LRRFIP2: variants seen among roughly 807,000 people sequenced by gnomAD.
LRRFIP2 encodes leucine-rich repeat flightless-interacting protein 2.
Under a neutral mutation model 125.9 loss-of-function variants are expected in LRRFIP2, and 109 were observed. The ratio of observed to expected loss-of-function variants is 0.87; its 90% confidence interval spans 0.74 to 1.01. The LOEUF is 1.01. Ranked by LOEUF, LRRFIP2 falls within the 50% of genes least tolerant of loss-of-function variation. The probability of loss-of-function intolerance (pLI) is 0.00; values close to 1 mark genes in which losing one functional copy is unlikely to be tolerated. For missense variants in LRRFIP2, 850 were observed against 862.3 expected, an observed-to-expected ratio of 0.99 and a Z score of 0.18; for synonymous variants, 291 against 293.1, an observed-to-expected ratio of 0.99 and a Z score of 0.07.
At chr3:37,109,850 C>T (rs964780910) in intron 9 of LRRFIP2, 147 bp from the exon 10 acceptor site, 4 of 654,804 alleles carry the variant, frequency 6.1e-6, no homozygotes, top group East Asian at 2.7e-5. Context: ...TTAAGAAACA[C>T]AAGAAATAAG....
rs376462746 is a variant in LRRFIP2 at position 37,061,269 on chromosome 3, A to G, written c.1750-2359T>C. Among the ~76,000 whole-genome samples, 7 of 152,336 alleles carry G rather than the reference A, an allele frequency of 4.6e-5. No homozygotes were observed. In the East Asian group the frequency reaches 1.4e-3, roughly 29 times the overall value. ...CGAGGTGGGTGGATCACCTAAGGTC[A>G]GGAGTTCAAGACCAGCCTGGCCTGA... On this transcript the variant is annotated intron_variant, in intron 24 of 27. Coordinates refer to ENST00000336686, the MANE Select transcript of LRRFIP2 (RefSeq NM_006309.4).
Position 37,149,030 on chromosome 3 carries a change from T to C in LRRFIP2, c.-47A>G. On this transcript the variant is annotated 5_prime_UTR_variant, in exon 2 of 28. Coordinates refer to ENST00000336686, the MANE Select transcript of LRRFIP2 (RefSeq NM_006309.4). ...TAACTTTGAAAGTGATTTAACTGTG[T>C]TTTCAGCCCTGAAGTAAACAAAAAC... The C allele has an allele frequency of 1.2e-6, 2 of 1,609,430 alleles. No homozygotes were observed. The highest frequency in any genetic ancestry group is 1.7e-6 in the Non-Finnish European group (2 of 1,178,020).
intron 26 of LRRFIP2, 105 bp from the exon 27 acceptor site, chr3:37,054,620 C>CAA: frequency 5.1e-6 from 3 of 588,592 alleles, no homozygotes; most frequent in Non-Finnish European, 9.1e-6. Context: ...AAGTAATCTA[C>CAA]TAACAAGTCC....
intron 3 of LRRFIP2, among the ~76,000 whole-genome samples, chr3:37,128,285 T>C (rs755290587): frequency 2.6e-5 from 4 of 152,216 alleles, no homozygotes; most frequent in Non-Finnish European, 5.9e-5. Flanking sequence ...TACTGTCCCA[T>C]AGGCTTTTGC....
chr3:37,118,605 T>C (rs1254828861), intron 6 of LRRFIP2, among the ~76,000 whole-genome samples: 6 of 152,334 alleles, frequency 3.9e-5, no homozygotes, highest in African/African-American at 1.2e-4. Flanking sequence ...ATACATAATG[T>C]CTATAGCACT....
At chr3:37,168,257 C>A (rs934509224) in intron 1 of LRRFIP2, among the ~76,000 whole-genome samples, 2 of 152,062 alleles carry the variant, frequency 1.3e-5, no homozygotes, top group Non-Finnish European at 2.9e-5. Context: ...TGGCACTATT[C>A]CCAAAAGCAG....
At chr3:37,156,547 G>A (rs34091021) in intron 1 of LRRFIP2, among the ~76,000 whole-genome samples, 3 of 151,180 alleles carry the variant, frequency 2.0e-5, no homozygotes, top group East Asian at 3.9e-4. Context: ...GGTGGCAGGC[G>A]CCTGTAGTCC....
intron 1 of LRRFIP2, among the ~76,000 whole-genome samples, chr3:37,172,511 G>A (rs1315026778): frequency 6.6e-6 from 1 of 152,158 alleles, no homozygotes; most frequent in Non-Finnish European, 1.5e-5. Flanking sequence ...GTGGTGGAAA[G>A]CAGACTTTCT....
At chr3:37,075,993 G>C (rs1256608498) in intron 19 of LRRFIP2, among the ~76,000 whole-genome samples, 1 of 152,008 alleles carries the variant, frequency 6.6e-6, no homozygotes, top group East Asian at 1.9e-4. Context: ...ATATCCATTT[G>C]GAAAAAGATA....
chr3:37,091,228 G>GA lies in LRRFIP2; in HGVS notation c.1107+238dup, dbSNP rs113267946. The stretch of plus-strand genomic sequence containing the variant: ...CTGTCTGTACAAGAAAAATAAAAAA[G>GA]AAAAAAAAAAAACTGTAAATGATAT... On this transcript the variant is annotated intron_variant, in intron 18 of 27. Coordinates refer to ENST00000336686, the MANE Select transcript of LRRFIP2 (RefSeq NM_006309.4). Among the ~76,000 whole-genome samples the GA allele has an allele frequency of 4.2e-3, 605 of 145,234 alleles. 3 individuals are homozygous for GA. Among genetic ancestry groups the GA allele is most frequent in the East Asian group, 0.017 (81 of 4,652 alleles).
At chr3:37,055,220 G>A in intron 25 of LRRFIP2, 55 bp from the exon 26 acceptor site, 1 of 1,072,884 alleles carries the variant, frequency 9.3e-7, no homozygotes, top group Non-Finnish European at 1.4e-6. Context: ...GACAGTATGA[G>A]CCATCAGGCA....
chr3:37,105,390 C>G (rs1295242637), intron 14 of LRRFIP2, 65 bp downstream of exon 14: 3 of 1,294,684 alleles, frequency 2.3e-6, no homozygotes, highest in Non-Finnish European at 1.1e-6. Flanking sequence ...CAACAGACTT[C>G]ATGTGATCAT....
At chr3:37,121,199 C>T (rs2095023283) in intron 6 of LRRFIP2, among the ~76,000 whole-genome samples, 1 of 152,158 alleles carries the variant, frequency 6.6e-6, no homozygotes, top group Non-Finnish European at 1.5e-5. Flanking sequence ...TGTTATTCTA[C>T]AAGATCAATC....
chr3:37,087,668 A>G (rs760486933), intron 18 of LRRFIP2, among the ~76,000 whole-genome samples: 6 of 151,714 alleles, frequency 4.0e-5, no homozygotes, highest in Non-Finnish European at 7.4e-5. Flanking sequence ...AGCTCACTGC[A>G]ACCTCAGCCT....
At chr3:37,138,524 A>C (rs140037601) in intron 2 of LRRFIP2, among the ~76,000 whole-genome samples, 7 of 152,334 alleles carry the variant, frequency 4.6e-5, no homozygotes, top group Non-Finnish European at 1.0e-4. Flanking sequence ...GTATTTCTTC[A>C]GGATGTAGGT....
At chr3:37,115,129 T>C in intron 6 of LRRFIP2, 34 bp from the exon 7 acceptor site, 1 of 1,510,816 alleles carries the variant, frequency 6.6e-7, no homozygotes, top group Non-Finnish European at 9.1e-7. Context: ...GTTGGTTTGT[T>C]TCCAAATTCA....
chr3:37,092,347 A>G (rs890757810), intron 17 of LRRFIP2, among the ~76,000 whole-genome samples: 2 of 152,204 alleles, frequency 1.3e-5, no homozygotes, highest in African/African-American at 4.8e-5. Context: ...TTAAAGGCTG[A>G]TTATACACAT....
At chr3:37,103,093 G>C (rs757563170) in intron 14 of LRRFIP2, 80 bp from the exon 15 acceptor site, 8 of 1,103,142 alleles carry the variant, frequency 7.3e-6, no homozygotes, top group Non-Finnish European at 1.0e-5. Context: ...GCCAATTAGG[G>C]AAAAGTTTTT....
chr3:37,125,071 T>C (rs1485145824), intron 4 of LRRFIP2, among the ~76,000 whole-genome samples: 2 of 152,170 alleles, frequency 1.3e-5, no homozygotes, highest in Non-Finnish European at 1.5e-5. Context: ...CATGTATTTG[T>C]TCAAAATGCT....
Sources: gnomAD v4.1 joint callset for allele counts (sites outside exome capture counted in the v4.1 genomes callset) on GRCh38, gnomAD v4.1.1 for gene constraint, MANE v1.5 for transcripts, NCBI Gene and HGNC (gene_info 2026-07-23, HGNC 2026-07-21) for gene names.